Variants in TEN1 observed in about 807,000 individuals in gnomAD.
TEN1 encodes TEN1 subunit of CST complex.
In TEN1, 6 loss-of-function variants were observed where a neutral mutation model predicts 9.3. That is an observed-to-expected ratio of 0.65 (90% CI 0.35 to 1.27). The LOEUF is 1.27. Ranked by LOEUF, TEN1 falls within the 50% of genes most tolerant of loss-of-function variation. The probability of loss-of-function intolerance (pLI) is 0.03; values close to 1 mark genes in which losing one functional copy is unlikely to be tolerated. For synonymous variants in TEN1, 65 were observed against 65.6 expected, an observed-to-expected ratio of 0.99 and a Z score of 0.04; for missense variants, 149 against 158.2, an observed-to-expected ratio of 0.94 and a Z score of 0.31.
intron 1 of TEN1, among the ~76,000 whole-genome samples, chr17:75,981,809 A>C (rs8076204): frequency 0.18 from 27,878 of 151,946 alleles, 3,046 homozygotes; most frequent in African/African-American, 0.31. Context: ...GCAGGTGGAT[A>C]GCGAGGTCAG....
At chr17:75,992,284 G>A (rs1293760805) in intron 3 of TEN1, among the ~76,000 whole-genome samples, 1 of 151,758 alleles carries the variant, frequency 6.6e-6, no homozygotes, top group Non-Finnish European at 1.5e-5. Context: ...AGGCTGGAGT[G>A]CAGTGGTATG....
chr17:75,979,672 G>A (rs1296495162), intron 1 of TEN1, among the ~76,000 whole-genome samples, 161 bp downstream of exon 1: 4 of 152,158 alleles, frequency 2.6e-5, no homozygotes, highest in African/African-American at 9.7e-5. Context: ...AGTCTGGGGC[G>A]GGAGATGGGG....
At chr17:75,988,561 CAAAAAA>C (rs1189354019) in intron 2 of TEN1, among the ~76,000 whole-genome samples, 24 of 28,984 alleles carry the variant, frequency 8.3e-4, no homozygotes, top group African/African-American at 3.5e-3. Flanking sequence ...GATCCTGCCT[CAAAAAA>C]AAAAAAAAAA....
chr17:75,988,046 C>G (rs1299044346), intron 2 of TEN1, among the ~76,000 whole-genome samples: 5 of 151,398 alleles, frequency 3.3e-5, no homozygotes, highest in Admixed American at 6.6e-5. Context: ...TCAAAACCAG[C>G]CTGGCCAACA....
chr17:75,981,704 CAG>C (rs1380003773), intron 1 of TEN1, among the ~76,000 whole-genome samples: 1 of 149,808 alleles, frequency 6.7e-6, no homozygotes, highest in African/African-American at 2.5e-5. Flanking sequence ...TCATAGAAAA[CAG>C]AGTCATTTAC....
chr17:75,984,424 C>T (rs2066139870), intron 1 of TEN1, among the ~76,000 whole-genome samples: 1 of 152,098 alleles, frequency 6.6e-6, no homozygotes, highest in South Asian at 2.1e-4. Flanking sequence ...TGTGAGACAG[C>T]ATCTCACTCT....
chr17:75,999,913 G>A (rs897932074), intron 3 of TEN1, among the ~76,000 whole-genome samples: 8 of 152,048 alleles, frequency 5.3e-5, no homozygotes, highest in Admixed American at 5.2e-4. Context: ...GTCCAGAGGG[G>A]TTTTCTGACC....
At chr17:75,991,727 C>T (rs2066187082) in intron 3 of TEN1, 104 bp downstream of exon 3, 1 of 1,327,776 alleles carries the variant, frequency 7.5e-7, no homozygotes. Context: ...AGCAATGTCT[C>T]ATCAGGGTTA....
chr17:75,994,745 G>C (rs1353653538), intron 3 of TEN1, among the ~76,000 whole-genome samples: 1 of 151,992 alleles, frequency 6.6e-6, no homozygotes, highest in Non-Finnish European at 1.5e-5. Flanking sequence ...CAAAGTGCTG[G>C]GATTACAAGC....
At chr17:75,982,948 T>G (rs1364064735) in intron 1 of TEN1, among the ~76,000 whole-genome samples, 1 of 142,714 alleles carries the variant, frequency 7.0e-6, no homozygotes. Context: ...TGACCTCAAG[T>G]GATCTGCCCG....
chr17:75,987,416 A>T (rs1454026115), intron 2 of TEN1, among the ~76,000 whole-genome samples: 2 of 152,220 alleles, frequency 1.3e-5, no homozygotes, highest in Non-Finnish European at 2.9e-5. Flanking sequence ...TTCTGCCAGA[A>T]GCAGTGACCA....
At chr17:75,985,327 T>C (rs35653922) in intron 1 of TEN1, among the ~76,000 whole-genome samples, 7,913 of 151,994 alleles carry the variant, frequency 0.052, 213 homozygotes, top group Middle Eastern at 0.12. Context: ...TGTATTTTTT[T>C]TGTGGAGATG....
chr17:75,996,293 C>T (rs2066217493), intron 3 of TEN1, among the ~76,000 whole-genome samples: 1 of 152,028 alleles, frequency 6.6e-6, no homozygotes, highest in Non-Finnish European at 1.5e-5. Context: ...CGAGACCGGC[C>T]TGACCAACAT....
At chr17:75,986,347 C>T in intron 2 of TEN1, 63 bp downstream of exon 2, 1 of 1,301,564 alleles carries the variant, frequency 7.7e-7, no homozygotes, top group Non-Finnish European at 1.0e-6. Flanking sequence ...TTCTCTACCT[C>T]CAAAAAGACA....
At position 75,979,293 on chromosome 17, in the gene TEN1, T is replaced by C; in HGVS notation, c.-225T>C. ...GACAGAGGGGGCGATGTCCGCGTCG[T>C]GGCTGGGGCCGGTCGCGGGGCAGAC... On this transcript the variant is annotated 5_prime_UTR_variant, in exon 1 of 4. Transcript: ENST00000397640. 1.5e-6 allele frequency: 1 copy of C among 659,448 alleles called. No homozygotes were observed. The highest frequency in any genetic ancestry group is 2.6e-6 in the Non-Finnish European group (1 of 380,708). The allele number at this position is 659,448 out of a possible 1,614,324, so 40.8% of individuals were successfully genotyped here.
chr17:75,988,561 C>CAAAAAAAAA (rs1189354019), intron 2 of TEN1, among the ~76,000 whole-genome samples: 14 of 28,974 alleles, frequency 4.8e-4, no homozygotes, highest in South Asian at 1.4e-3. Context: ...GATCCTGCCT[C>CAAAAAAAAA]AAAAAAAAAA....
At chr17:75,982,064 T>TA (rs931138031) in intron 1 of TEN1, among the ~76,000 whole-genome samples, 54 of 152,216 alleles carry the variant, frequency 3.5e-4, no homozygotes, top group African/African-American at 1.3e-3. Context: ...ATATTACTCT[T>TA]AACTTTCCCT....
Position 75,986,297 on chromosome 17 carries a change from AT to A in TEN1, c.92+20del. On this transcript the variant is annotated intron_variant, in intron 2 of 3. Coordinates refer to ENST00000397640, the MANE Select transcript of TEN1 (RefSeq NM_001113324.3). Reference sequence around the variant, plus strand: ...GAACATTTGGCAGGTGAGAACGGTTATTTTTTTCACTGGTGGGGGTGATGAT... The same window carrying A: ...GAACATTTGGCAGGTGAGAACGGTTATTTTTTCACTGGTGGGGGTGATGAT... 6.5e-7 allele frequency: 1 copy of A among 1,541,278 alleles called. No individual in the cohort carries two copies. The highest frequency in any genetic ancestry group is 8.8e-7 in the Non-Finnish European group (1 of 1,141,850).
At chr17:75,996,207 C>T (rs985497835) in intron 3 of TEN1, among the ~76,000 whole-genome samples, 3 of 151,628 alleles carry the variant, frequency 2.0e-5, no homozygotes, top group African/African-American at 7.3e-5. Context: ...CCTGGACGGC[C>T]GGGTGTGGTG....
Sources: allele counts gnomAD v4.1 joint callset (sites outside exome capture counted in the v4.1 genomes callset), GRCh38; gene constraint gnomAD v4.1.1; transcripts MANE v1.5; gene names NCBI Gene and HGNC (gene_info 2026-07-23, HGNC 2026-07-21).